CRTAP: variants seen among roughly 807,000 people sequenced by gnomAD.
CRTAP encodes the protein cartilage associated protein, also known as cartilage-associated protein.
CRTAP carries 33 observed loss-of-function variants against 42.7 expected under a neutral mutation model. The observed-to-expected ratio is 0.77, with a 90% CI of 0.59 to 1.03. The LOEUF (loss-of-function observed/expected upper bound fraction) is 1.03, where lower values mean the gene tolerates loss of function less well. Ranked by LOEUF, CRTAP falls within the 50% of genes least tolerant of loss-of-function variation. The probability of loss-of-function intolerance (pLI) is 0.00; values close to 1 mark genes in which losing one functional copy is unlikely to be tolerated. For synonymous variants in CRTAP, 243 were observed against 217.7 expected, an observed-to-expected ratio of 1.12 and a Z score of -1.02; for missense variants, 613 against 533.9, an observed-to-expected ratio of 1.15 and a Z score of -1.46.
chr3:33,134,287 A>C (rs2030359638), intron 6 of CRTAP, 22 bp downstream of exon 6: 1 of 1,450,830 alleles, frequency 6.9e-7, no homozygotes, highest in Non-Finnish European at 9.7e-7. Flanking sequence ...TGCTTAGCAC[A>C]TGTCTGGTGG....
chr3:33,114,387 C>T lies in CRTAP; in HGVS notation c.310C>T (p.Pro104Ser). 1 of 1,534,026 alleles carries T rather than the reference C, an allele frequency of 6.5e-7. No homozygotes were observed. The highest frequency in any genetic ancestry group is 8.7e-7 in the Non-Finnish European group (1 of 1,145,790). ...GCCCGCCGCCGGCCTCGCCAGCTAT[C>T]CCGAGCTGCGCCTCTTCGGGGGCCT... ...PEPAAGLASY[P>S]ELRLFGGLLR... The change falls in exon 1 of 7, where the codon CCC (proline) becomes TCC (serine). Residue 104 changes from proline to serine, a missense_variant. Pro to Ser is a moderately conservative substitution (Grantham distance 74). Coordinates refer to ENST00000320954, the MANE Select transcript of CRTAP (RefSeq NM_006371.5).
At chr3:33,123,137 T>C (rs1559433548) in intron 2 of CRTAP, among the ~76,000 whole-genome samples, 3 of 152,192 alleles carry the variant, frequency 2.0e-5, no homozygotes, top group African/African-American at 7.2e-5. Flanking sequence ...AGAAAGTCCT[T>C]GAAGTTTCCA....
chr3:33,118,668 C>T (rs568707793), intron 1 of CRTAP, among the ~76,000 whole-genome samples: 1 of 152,236 alleles, frequency 6.6e-6, no homozygotes, highest in African/African-American at 2.4e-5. Context: ...CGCCTTGGAG[C>T]GTCCCTCTGG....
At chr3:33,134,485 G>A (rs906664136) in intron 6 of CRTAP, among the ~76,000 whole-genome samples, 7 of 152,122 alleles carry the variant, frequency 4.6e-5, no homozygotes, top group East Asian at 1.9e-4. Context: ...TCCTGATAGC[G>A]AAACGGGTGT....
intron 3 of CRTAP, among the ~76,000 whole-genome samples, chr3:33,128,107 C>T (rs1388569517): frequency 2.6e-5 from 4 of 152,140 alleles, no homozygotes; most frequent in South Asian, 2.1e-4. Context: ...CATTATTACT[C>T]TTTACCCCAT....
At chr3:33,121,174 C>T (rs1211583614) in intron 2 of CRTAP, among the ~76,000 whole-genome samples, 19 of 151,958 alleles carry the variant, frequency 1.3e-4, no homozygotes, top group African/African-American at 7.3e-5. Flanking sequence ...TTTGGGAGGC[C>T]GAGGCGGATG....
intron 2 of CRTAP, among the ~76,000 whole-genome samples, chr3:33,123,471 C>T (rs1204780364): frequency 6.6e-6 from 1 of 151,862 alleles, no homozygotes; most frequent in Non-Finnish European, 1.5e-5. Flanking sequence ...TCCTTCTTCT[C>T]TGGCCATGTG....
At chr3:33,139,690 C>T (rs886269471) in intron 6 of CRTAP, among the ~76,000 whole-genome samples, 39 of 152,132 alleles carry the variant, frequency 2.6e-4, no homozygotes, top group African/African-American at 8.7e-4. Flanking sequence ...GTTGGCCAGT[C>T]TGGTCTCGAA....
intron 3 of CRTAP, among the ~76,000 whole-genome samples, chr3:33,125,646 A>G (rs1330960338): frequency 6.6e-6 from 1 of 152,066 alleles, no homozygotes; most frequent in African/African-American, 2.4e-5. Flanking sequence ...AGCTTCCTCT[A>G]ATTCCCACCT....
chr3:33,125,058 A>G (rs2030020282), intron 3 of CRTAP, among the ~76,000 whole-genome samples: 1 of 152,224 alleles, frequency 6.6e-6, no homozygotes, highest in Admixed American at 6.5e-5. Context: ...GAAAGGAAAA[A>G]TGAAGAAAGG....
At chr3:33,121,368 C>T (rs1306746752) in intron 2 of CRTAP, among the ~76,000 whole-genome samples, 3 of 151,014 alleles carry the variant, frequency 2.0e-5, no homozygotes, top group South Asian at 4.2e-4. Flanking sequence ...GCTGAGATTG[C>T]GCCACTGCAC....
chr3:33,114,357 C>T lies in CRTAP; in HGVS notation c.280C>T (p.Pro94Ser). The T allele has an allele frequency of 1.3e-6, 2 of 1,522,372 alleles. No individual in the cohort carries two copies. The highest frequency in any genetic ancestry group is 1.8e-6 in the Non-Finnish European group (2 of 1,141,298). 94.3% of individuals were successfully genotyped at this position (1,522,372 alleles called of 1,614,324 possible). Reference sequence around the variant, plus strand: ...CCGCAACTGCAGCGCCGCGCCGCAGCCCGAGCCCGCCGCCGGCCTCGCCAG... The same window carrying T: ...CCGCAACTGCAGCGCCGCGCCGCAGTCCGAGCCCGCCGCCGGCCTCGCCAG... Reference protein sequence around the residue: ...CHRNCSAAPQPEPAAGLASYP... With the variant: ...CHRNCSAAPQSEPAAGLASYP... Residue 94 changes from proline to serine, a missense_variant, in exon 1 of 7, where the codon CCC becomes TCC. Coordinates refer to ENST00000320954, the MANE Select transcript of CRTAP (RefSeq NM_006371.5).
intron 3 of CRTAP, among the ~76,000 whole-genome samples, chr3:33,126,419 A>G (rs1266470829): frequency 6.6e-6 from 1 of 152,064 alleles, no homozygotes; most frequent in Non-Finnish European, 1.5e-5. Flanking sequence ...CTGTATCCCC[A>G]TGTTCCTCTG....
In CRTAP at chr3:33,120,379, C is replaced by T. The variant is rs1195660782; in HGVS notation, c.507C>T (p.His169=). 1 of 1,614,228 alleles carries T rather than the reference C, an allele frequency of 6.2e-7. No homozygotes were observed. The highest frequency in any genetic ancestry group is 8.5e-7 in the Non-Finnish European group (1 of 1,180,018). The part of the protein sequence containing the change: ...NNLPKAIAAA[H]TFLLKHPDDE... ...TCCCCAAAGCCATCGCCGCTGCTCACACCTTTCTACTGAAGCATCCTGATG... is the reference window on the plus strand; with the variant it reads ...TCCCCAAAGCCATCGCCGCTGCTCATACCTTTCTACTGAAGCATCCTGATG... The change falls in exon 2 of 7, where the codon CAC becomes CAT. Residue 169 remains histidine, a synonymous_variant. Coordinates refer to ENST00000320954, the MANE Select transcript of CRTAP (RefSeq NM_006371.5).
intron 1 of CRTAP, among the ~76,000 whole-genome samples, chr3:33,118,501 C>T (rs574283650): frequency 6.6e-6 from 1 of 152,220 alleles, no homozygotes; most frequent in African/African-American, 2.4e-5. Context: ...CACCACCCAC[C>T]ACTTCTCTGA....
intron 2 of CRTAP, among the ~76,000 whole-genome samples, chr3:33,122,438 G>A (rs973015713): frequency 2.6e-5 from 4 of 151,954 alleles, no homozygotes; most frequent in Admixed American, 6.6e-5. Flanking sequence ...GGCCAGGCGC[G>A]GTCCTCATGC....
rs2030609315 is a variant in CRTAP, at chr3:33,142,631, C to CCA, written c.*183_*184insCA. On this transcript the variant is annotated 3_prime_UTR_variant, in exon 7 of 7. Coordinates refer to ENST00000320954, the MANE Select transcript of CRTAP (RefSeq NM_006371.5). ...GAGCCTGCCTTTCCTATCTTCACAC[C>CCA]TGCCACCTCATGTTCACACCTATCT... The CCA allele has an allele frequency of 1.7e-5, 10 of 599,814 alleles. No homozygotes were observed. The highest frequency in any genetic ancestry group is 3.0e-5 in the Non-Finnish European group (10 of 336,960). The allele number at this position is 599,814 out of a possible 1,614,324, so 37.2% of individuals were successfully genotyped here. A position where few individuals can be genotyped will look rare whatever the true frequency, so the allele number is the denominator to read the frequency against.
chr3:33,114,299 C>G lies in CRTAP; in HGVS notation c.222C>G (p.His74Gln). ...ACCTGGAGATCAGCCTGCGGCTGCA[C>G]CGCTTGCTGCGCGACAGCGAGGCCT... ...VGYLEISLRLHRLLRDSEAFC... is the reference protein window; with the variant it reads ...VGYLEISLRLQRLLRDSEAFC... Residue 74 changes from histidine (H) to glutamine (Q), a missense_variant, in exon 1 of 7, where the codon CAC (histidine) becomes CAG (glutamine). Physicochemically the swap from His to Gln is conservative, Grantham distance 24 (BLOSUM62 0). Transcript: ENST00000320954. 1.9e-6 allele frequency: 3 copies of G among 1,562,690 alleles called. No individual in the cohort carries two copies. Among genetic ancestry groups the G allele is most frequent in the Non-Finnish European group, 2.6e-6 (3 of 1,162,306 alleles).
chr3:33,117,508 G>A (rs1004827624), intron 1 of CRTAP, among the ~76,000 whole-genome samples: 3 of 152,128 alleles, frequency 2.0e-5, no homozygotes, highest in South Asian at 2.1e-4. Flanking sequence ...CATCTTCCAC[G>A]AAAAACTCAT....
Sources: gnomAD v4.1 joint callset for allele counts (sites outside exome capture counted in the v4.1 genomes callset) on GRCh38, gnomAD v4.1.1 for gene constraint, MANE v1.5 for transcripts, NCBI Gene and HGNC (gene_info 2026-07-23, HGNC 2026-07-21) for gene names.